Variants in ZNF804B observed in about 807,000 individuals in gnomAD.
ZNF804B encodes the protein zinc finger 804B.
In ZNF804B, 80 loss-of-function variants were observed where a neutral mutation model predicts 101.4. The observed-to-expected ratio is 0.79, with a 90% CI of 0.66 to 0.95. The LOEUF is 0.95. Among genes scored for constraint, ZNF804B ranks in the 40% least tolerant of loss-of-function variants. ZNF804B has a pLI of 0.00. For missense variants in ZNF804B, 1,673 were observed against 1,561.9 expected (o/e 1.07, Z -1.20); for synonymous variants, 622 against 558.8 (o/e 1.11, Z -1.59).
chr7:89,316,917 A>G (rs1790741910), intron 2 of ZNF804B, among the ~76,000 whole-genome samples: 1 of 152,188 alleles, frequency 6.6e-6, no homozygotes, highest in Non-Finnish European at 1.5e-5. Flanking sequence ...ACCCTCCCAC[A>G]TTCTGGATTC....
At chr7:88,900,523 A>G (rs1012619353) in intron 1 of ZNF804B, among the ~76,000 whole-genome samples, 1 of 149,522 alleles carries the variant, frequency 6.7e-6, no homozygotes, top group Non-Finnish European at 1.5e-5. Context: ...ATAAATTTCA[A>G]TTAAATTTGG....
intron 1 of ZNF804B, among the ~76,000 whole-genome samples, chr7:88,809,759 T>G (rs142265260): frequency 6.6e-6 from 1 of 152,306 alleles, no homozygotes; most frequent in East Asian, 1.9e-4. Context: ...TGTGAGGAGA[T>G]AGAAGTCAAC....
intron 1 of ZNF804B, among the ~76,000 whole-genome samples, chr7:88,772,436 A>G (rs1790083603): frequency 6.6e-6 from 1 of 152,190 alleles, no homozygotes; most frequent in Admixed American, 6.5e-5. Flanking sequence ...GGTCTTCCAC[A>G]GGGAATAGAG....
chr7:89,326,655 G>C (rs956171537), intron 2 of ZNF804B, among the ~76,000 whole-genome samples: 1 of 151,996 alleles, frequency 6.6e-6, no homozygotes, highest in East Asian at 1.9e-4. Context: ...CTTAGTGGCA[G>C]ATTCTTAAGA....
chr7:89,086,532 T>C (rs1217177982), intron 1 of ZNF804B, among the ~76,000 whole-genome samples: 3 of 151,930 alleles, frequency 2.0e-5, no homozygotes, highest in Non-Finnish European at 2.9e-5. Flanking sequence ...ATAACAACTA[T>C]TAAAAATAAA....
intron 1 of ZNF804B, among the ~76,000 whole-genome samples, chr7:89,092,215 G>A (rs763786819): frequency 7.3e-5 from 11 of 150,782 alleles, no homozygotes; most frequent in Admixed American, 2.0e-4. Flanking sequence ...GTCTCTCTAC[G>A]GGCAGTAATC....
intron 1 of ZNF804B, among the ~76,000 whole-genome samples, chr7:88,920,012 G>A (rs939293929): frequency 6.6e-6 from 1 of 152,042 alleles, no homozygotes; most frequent in Non-Finnish European, 1.5e-5. Flanking sequence ...GATGTACAAA[G>A]AGGAACTTTG....
chr7:88,909,850 C>A (rs562900212), intron 1 of ZNF804B, among the ~76,000 whole-genome samples: 1 of 151,572 alleles, frequency 6.6e-6, no homozygotes, highest in Admixed American at 6.6e-5. Flanking sequence ...ACTGCATAAA[C>A]GTCCTAATTA....
At chr7:89,189,204 C>G (rs1788419274) in intron 1 of ZNF804B, among the ~76,000 whole-genome samples, 1 of 152,032 alleles carries the variant, frequency 6.6e-6, no homozygotes, top group African/African-American at 2.4e-5. Flanking sequence ...GAAGACAACA[C>G]AACATTTTAC....
chr7:89,130,903 TCC>T lies in ZNF804B; in HGVS notation c.109-87251_109-87250del, dbSNP rs1413189346. On this transcript the variant is annotated intron_variant, in intron 1 of 3. Coordinates refer to ENST00000333190, the MANE Select transcript of ZNF804B (RefSeq NM_181646.5). ...CATCTAAGCAGTCTTATCCCAATCT[TCC>T]TGTATTTTAGGAACTGAACGACCAA... Among the ~76,000 whole-genome samples the T allele has an allele frequency of 3.2e-3, 491 of 152,130 alleles. 3 individuals are homozygous for T. Among genetic ancestry groups the T allele is most frequent in the African/African-American group, 0.011 (448 of 41,528 alleles).
At chr7:89,037,503 C>T (rs566882241) in intron 1 of ZNF804B, among the ~76,000 whole-genome samples, 1 of 151,522 alleles carries the variant, frequency 6.6e-6, no homozygotes, top group Non-Finnish European at 1.5e-5. Context: ...TTTACCTAGC[C>T]TTATTGACCT....
chr7:89,009,244 T>G (rs1337302021), intron 1 of ZNF804B, among the ~76,000 whole-genome samples: 2 of 152,146 alleles, frequency 1.3e-5, no homozygotes, highest in African/African-American at 4.8e-5. Flanking sequence ...CTTAATCTAT[T>G]TACTAAAACA....
chr7:89,306,064 G>A (rs1790557861), intron 2 of ZNF804B, among the ~76,000 whole-genome samples: 1 of 151,842 alleles, frequency 6.6e-6, no homozygotes, highest in South Asian at 2.1e-4. Flanking sequence ...AACAAAATAA[G>A]GGATATATAA....
At chr7:88,910,941 A>G (rs1040821449) in intron 1 of ZNF804B, among the ~76,000 whole-genome samples, 2 of 152,024 alleles carry the variant, frequency 1.3e-5, no homozygotes, top group Non-Finnish European at 2.9e-5. Flanking sequence ...AGTAATAAAT[A>G]ATTGTATCAT....
At chr7:89,292,670 C>G (rs988867025) in intron 2 of ZNF804B, among the ~76,000 whole-genome samples, 4 of 151,264 alleles carry the variant, frequency 2.6e-5, no homozygotes, top group Admixed American at 2.6e-4. Flanking sequence ...AACCAGAAAA[C>G]AAATTAAAAA....
intron 1 of ZNF804B, among the ~76,000 whole-genome samples, chr7:88,904,639 G>A (rs1304057113): frequency 6.6e-6 from 1 of 151,976 alleles, no homozygotes; most frequent in Non-Finnish European, 1.5e-5. Context: ...GCAGTCTTTT[G>A]TAGTCCCTTT....
intron 1 of ZNF804B, among the ~76,000 whole-genome samples, chr7:89,165,435 CAT>C (rs1791127913): frequency 6.6e-6 from 1 of 151,838 alleles, no homozygotes; most frequent in Admixed American, 6.6e-5. Flanking sequence ...AAAAGAAAAA[CAT>C]AAGAAAATTG....
intron 1 of ZNF804B, among the ~76,000 whole-genome samples, chr7:89,164,075 A>C (rs1240021468): frequency 6.6e-6 from 1 of 152,010 alleles, no homozygotes; most frequent in Non-Finnish European, 1.5e-5. Flanking sequence ...GCATTCTTCA[A>C]GGGTTTTAAA....
intron 1 of ZNF804B, chr7:88,794,384 G>C (rs1233304262): frequency 1.9e-6 from 3 of 1,613,670 alleles, no homozygotes; most frequent in Non-Finnish European, 2.5e-6. Flanking sequence ...TTCATAGTCT[G>C]GCAAAGGTAG....
Sources: allele counts gnomAD v4.1 joint callset (sites outside exome capture counted in the v4.1 genomes callset), GRCh38; gene constraint gnomAD v4.1.1; transcripts MANE v1.5; gene names NCBI Gene and HGNC (gene_info 2026-07-23, HGNC 2026-07-21).